The following RBFOX1 variants were observed in gnomAD, a reference collection of about 807,000 sequenced individuals.
The protein encoded by RBFOX1 is RNA binding fox-1 homolog 1.
RBFOX1 carries 8 observed loss-of-function variants against 57.7 expected under a neutral mutation model. The observed-to-expected ratio is 0.14, with a 90% CI of 0.08 to 0.25. The LOEUF is 0.25. Ranked by LOEUF, RBFOX1 falls within the 10% of genes least tolerant of loss-of-function variation. The pLI is 1.00. For synonymous variants in RBFOX1, 326 were observed against 222.4 expected, an observed-to-expected ratio of 1.47 and a Z score of -4.15; for missense variants, 611 against 548.5, an observed-to-expected ratio of 1.11 and a Z score of -1.14.
intron 4 of RBFOX1, among the ~76,000 whole-genome samples, chr16:7,276,563 T>A (rs78188294): frequency 0.013 from 2,052 of 152,218 alleles, 16 homozygotes; most frequent in African/African-American, 0.02. Context: ...GATTTTTTTT[T>A]AAATTTTTCT....
At chr16:6,870,239 G>C (rs901885426) in intron 3 of RBFOX1, among the ~76,000 whole-genome samples, 2 of 152,086 alleles carry the variant, frequency 1.3e-5, no homozygotes, top group African/African-American at 2.4e-5. Flanking sequence ...TAGCAGCCTG[G>C]GGTGGGGCAA....
At chr16:7,383,239 T>G (rs2097813118) in intron 4 of RBFOX1, among the ~76,000 whole-genome samples, 1 of 147,660 alleles carries the variant, frequency 6.8e-6, no homozygotes, top group African/African-American at 2.5e-5. Context: ...CCCATAAACA[T>G]ACACACCTAC....
chr16:5,446,860 A>G (rs2068256309), intron 1 of RBFOX1, among the ~76,000 whole-genome samples: 1 of 152,140 alleles, frequency 6.6e-6, no homozygotes, highest in Non-Finnish European at 1.5e-5. Flanking sequence ...GGGTACCACA[A>G]AGATGTAGGC....
chr16:6,126,953 G>A (rs544317769), intron 1 of RBFOX1, among the ~76,000 whole-genome samples: 1 of 152,180 alleles, frequency 6.6e-6, no homozygotes, highest in Non-Finnish European at 1.5e-5. Context: ...CAATGTGGTT[G>A]TGAGATAAAA....
chr16:5,377,088 C>T (rs1021344727), intron 1 of RBFOX1, among the ~76,000 whole-genome samples: 3 of 151,656 alleles, frequency 2.0e-5, no homozygotes, highest in African/African-American at 7.3e-5. Context: ...AGTTGTCAGT[C>T]AAGTGTGTGG....
intron 4 of RBFOX1, among the ~76,000 whole-genome samples, chr16:7,207,834 G>C (rs1205066783): frequency 1.3e-5 from 2 of 152,178 alleles, no homozygotes; most frequent in Admixed American, 6.5e-5. Flanking sequence ...TCTATCACCA[G>C]AGAATATCTT....
chr16:6,171,153 C>A (rs1490191140), intron 1 of RBFOX1, among the ~76,000 whole-genome samples: 3 of 152,138 alleles, frequency 2.0e-5, no homozygotes, highest in Non-Finnish European at 4.4e-5. Context: ...TTAGGTAGAG[C>A]TTGTCAGGAT....
chr16:7,041,127 G>A (rs1267339154), intron 3 of RBFOX1, among the ~76,000 whole-genome samples: 1 of 143,844 alleles, frequency 7.0e-6, no homozygotes, highest in African/African-American at 2.6e-5. Context: ...GTAAATACGG[G>A]GTTTCACCAT....
chr16:5,580,837 C>G (rs1210803885), intron 2 of RBFOX1, among the ~76,000 whole-genome samples: 3 of 152,210 alleles, frequency 2.0e-5, no homozygotes, highest in Non-Finnish European at 4.4e-5. Context: ...ACATGGTCAC[C>G]TGTCTTAATG....
chr16:7,070,544 A>G (rs1376888480), intron 4 of RBFOX1, among the ~76,000 whole-genome samples: 1 of 152,182 alleles, frequency 6.6e-6, no homozygotes, highest in South Asian at 2.1e-4. Flanking sequence ...ATGTTTTTAT[A>G]GATGTCTGAA....
chr16:7,656,683 C>T (rs1452906253), intron 12 of RBFOX1, among the ~76,000 whole-genome samples: 1 of 152,124 alleles, frequency 6.6e-6, no homozygotes, highest in Non-Finnish European at 1.5e-5. Context: ...TGACTCACAC[C>T]TATTGTGTTT....
intron 4 of RBFOX1, among the ~76,000 whole-genome samples, chr16:7,319,522 C>G (rs551161253): frequency 4.6e-5 from 7 of 152,132 alleles, no homozygotes; most frequent in African/African-American, 1.7e-4. Flanking sequence ...ACTGTACAAT[C>G]TGTTTGGCAT....
intron 1 of RBFOX1, among the ~76,000 whole-genome samples, chr16:6,150,743 G>C (rs1274506810): frequency 6.6e-6 from 1 of 152,152 alleles, no homozygotes; most frequent in Non-Finnish European, 1.5e-5. Flanking sequence ...AATGGGTCTT[G>C]TTTATCTATC....
At chr16:5,335,179 C>T (rs1439555213) in intron 1 of RBFOX1, among the ~76,000 whole-genome samples, 1 of 142,888 alleles carries the variant, frequency 7.0e-6, no homozygotes, top group Non-Finnish European at 1.5e-5. Flanking sequence ...GCCAGTTCAC[C>T]TCTCTGCAAT....
At chr16:5,633,361 T>C (rs570708768) in intron 3 of RBFOX1, among the ~76,000 whole-genome samples, 24 of 152,332 alleles carry the variant, frequency 1.6e-4, no homozygotes, top group African/African-American at 5.3e-4. Flanking sequence ...AAAAAAACTT[T>C]CAATAGTTTT....
In RBFOX1 at chr16:6,023,261, T is replaced by A. The variant is rs562475011; in HGVS notation, c.-127+3269T>A. On this transcript the variant is annotated intron_variant, in intron 1 of 15. Transcript: ENST00000550418. ...TGCCCTATTTTTCTTCTCATTATAA[T>A]TGAAGCTATATATATATATATATAT... Among the ~76,000 whole-genome samples the A allele has an allele frequency of 3.8e-3, 372 of 97,890 alleles. 1 individual carries two copies. Among genetic ancestry groups the A allele is most frequent in the Non-Finnish European group, 5.4e-3 (267 of 49,524 alleles). The allele number at this position is 97,890 out of a possible 152,430, so 64.2% of individuals were successfully genotyped here.
At chr16:7,223,328 A>G (rs192467762) in intron 4 of RBFOX1, among the ~76,000 whole-genome samples, 1 of 152,214 alleles carries the variant, frequency 6.6e-6, no homozygotes, top group African/African-American at 2.4e-5. Context: ...TTTTTCCGTG[A>G]GGATAGAATT....
chr16:5,372,808 G>A (rs572056524), intron 1 of RBFOX1, among the ~76,000 whole-genome samples: 20 of 152,310 alleles, frequency 1.3e-4, no homozygotes, highest in African/African-American at 4.6e-4. Context: ...GCTGGGTCGC[G>A]TTGACCCGCA....
chr16:7,034,244 C>G lies in RBFOX1; in HGVS notation c.-15-17813C>G, dbSNP rs151229113. Among the ~76,000 whole-genome samples the G allele has an allele frequency of 3.6e-3, 550 of 152,216 alleles. 2 individuals carry two copies. The highest frequency in any genetic ancestry group is 0.013 in the African/African-American group (530 of 41,520). On this transcript the variant is annotated intron_variant, in intron 3 of 15. Transcript: ENST00000550418. ...TTTAGCCTCTCTCCATCTCAGTGCT[C>G]TCATCTGTTCAAGGGGATAATGATA...
Sources: allele counts gnomAD v4.1 joint callset (sites outside exome capture counted in the v4.1 genomes callset), GRCh38; gene constraint gnomAD v4.1.1; transcripts MANE v1.5; gene names NCBI Gene and HGNC (gene_info 2026-07-23, HGNC 2026-07-21).